SOCS7: variants seen among roughly 807,000 people sequenced by gnomAD.
SOCS7 encodes suppressor of cytokine signaling 7, also known as NAP-4.
In SOCS7, 18 loss-of-function variants were observed where a neutral mutation model predicts 58.9. The observed-to-expected ratio is 0.31, with a 90% CI of 0.21 to 0.45. SOCS7 has a LOEUF of 0.45. Among genes scored for constraint, SOCS7 ranks in the 20% least tolerant of loss-of-function variants. The pLI is 1.00. For missense variants in SOCS7, 667 were observed against 837.3 expected, an observed-to-expected ratio of 0.80 and a Z score of 2.51; for synonymous variants, 388 against 364.3, an observed-to-expected ratio of 1.06 and a Z score of -0.74.
Position 38,352,946 on chromosome 17 carries a change from C to T in SOCS7, c.894C>T (p.Gly298=). The change falls in exon 1 of 10, where the codon GGC becomes GGT. Residue 298 remains glycine (G), a synonymous_variant. Transcript: ENST00000612932. This position sits in a 1 kb window ranked among gnomAD's most constrained non-coding sequence, Gnocchi z 5.5. ...GCTCCGGCGGTGGGGATGGGACCGGCAAGAGGCCTTCTGGAGAGCTGGCTG... is the reference window on the plus strand; with the variant it reads ...GCTCCGGCGGTGGGGATGGGACCGGTAAGAGGCCTTCTGGAGAGCTGGCTG... ...NGGSGGGDGT[G]KRPSGELAAS... The T allele has an allele frequency of 6.2e-7, 1 of 1,608,056 alleles. No homozygotes were observed. The highest frequency in any genetic ancestry group is 2.2e-5 in the East Asian group (1 of 44,748).
At position 38,397,055 on chromosome 17, in the gene SOCS7, C is replaced by A. The variant is rs544126433; in HGVS notation, c.*30+1057C>A. 3.3e-5 allele frequency among the ~76,000 whole-genome samples: 5 copies of A among 152,244 alleles called. No homozygotes were observed. The South Asian group carries it at 1.0e-3, about 32-fold the overall frequency. On this transcript the variant is annotated intron_variant, in intron 9 of 9. Coordinates refer to ENST00000612932, the MANE Select transcript of SOCS7 (RefSeq NM_014598.4). ...AGTTAGAGGACCACGTCTGTGGGTG[C>A]AGTGCTGTAGAAGAACCCATATAAA...
Position 38,393,016 on chromosome 17 carries a change from G to T in SOCS7, c.1682-2293G>T, listed in dbSNP as rs546184296. ...TAAATAAGTTATCATTATTATTTTT[G>T]TTTTTTTTTTAGAGACAGGGTCATA... On this transcript the variant is annotated intron_variant, in intron 7 of 9. Transcript: ENST00000612932. 2.2e-4 allele frequency among the ~76,000 whole-genome samples: 33 copies of T among 147,244 alleles called. No individual in the cohort carries two copies. The South Asian group carries it at 6.7e-3, about 30-fold the overall frequency.
chr17:38,389,110 C>G (rs144437558), intron 7 of SOCS7, among the ~76,000 whole-genome samples: 23 of 152,294 alleles, frequency 1.5e-4, no homozygotes, highest in Non-Finnish European at 2.9e-4. Context: ...ATATAGCCAT[C>G]CTAGTGAGTA....
At chr17:38,368,114 T>C in intron 6 of SOCS7, 64 bp downstream of exon 6, 1 of 1,430,490 alleles carries the variant, frequency 7.0e-7, no homozygotes, top group Non-Finnish European at 9.5e-7. Flanking sequence ...GCTGTCTGAC[T>C]TTTTTGTGGA....
chr17:38,385,989 G>A (rs2038063400), intron 7 of SOCS7, among the ~76,000 whole-genome samples: 1 of 151,894 alleles, frequency 6.6e-6, no homozygotes, highest in African/African-American at 2.4e-5. Context: ...GACCTGCCTG[G>A]GCAGCATGGT....
chr17:38,363,092 C>T (rs1371277167), intron 2 of SOCS7, among the ~76,000 whole-genome samples: 3 of 151,588 alleles, frequency 2.0e-5, no homozygotes, highest in Non-Finnish European at 4.4e-5. Flanking sequence ...CCAGCCTGAG[C>T]GACTGAGCCT....
At chr17:38,377,045 C>T (rs957633759) in intron 6 of SOCS7, among the ~76,000 whole-genome samples, 1 of 152,182 alleles carries the variant, frequency 6.6e-6, no homozygotes, top group Non-Finnish European at 1.5e-5. Flanking sequence ...GTAGGCTACA[C>T]CATCTAGGTT....
In SOCS7 at chr17:38,352,940, G is replaced by A. The variant is rs1238614796; in HGVS notation, c.888G>A (p.Gly296=). 3.7e-6 allele frequency: 6 copies of A among 1,607,938 alleles called. No individual in the cohort carries two copies. The highest frequency in any genetic ancestry group is 5.1e-6 in the Non-Finnish European group (6 of 1,178,492). ...ACGGTGGCTCCGGCGGTGGGGATGG[G>A]ACCGGCAAGAGGCCTTCTGGAGAGC... The part of the protein sequence containing the change: ...SCNGGSGGGD[G]TGKRPSGELA... The change falls in exon 1 of 10, where the codon GGG becomes GGA. Residue 296 remains glycine, a synonymous_variant. Coordinates refer to ENST00000612932, the MANE Select transcript of SOCS7 (RefSeq NM_014598.4). The surrounding 1 kb of genome is among the most constrained non-coding windows in gnomAD (Gnocchi z 5.5).
intron 6 of SOCS7, among the ~76,000 whole-genome samples, chr17:38,373,059 T>G (rs2037887967): frequency 6.6e-6 from 1 of 151,382 alleles, no homozygotes; most frequent in Non-Finnish European, 1.5e-5. Context: ...TGAGCCAAGA[T>G]CGTGCCATTG....
intron 7 of SOCS7, among the ~76,000 whole-genome samples, chr17:38,391,146 C>T (rs1380405445): frequency 6.6e-6 from 1 of 152,044 alleles, no homozygotes; most frequent in Non-Finnish European, 1.5e-5. Flanking sequence ...GCTTTTTGCA[C>T]ATTCATGTTA....
At chr17:38,366,198 A>G in intron 4 of SOCS7, 89 bp from the exon 5 acceptor site, 1 of 1,537,216 alleles carries the variant, frequency 6.5e-7, no homozygotes, top group Non-Finnish European at 8.8e-7. Context: ...TGCCCTCTTC[A>G]GTTAGCATCC....
At position 38,358,586 on chromosome 17, in the gene SOCS7, T is replaced by G. The variant is rs1555567150; in HGVS notation, c.981-3125T>G. ...ATTAGTATCTTGCTTTGTTGTTGTT[T>G]TTTTTTTTTTATTGTCATCTAGATT... On this transcript the variant is annotated intron_variant, in intron 1 of 9. Coordinates refer to ENST00000612932, the MANE Select transcript of SOCS7 (RefSeq NM_014598.4). Among the ~76,000 whole-genome samples, 1,106 of 151,866 alleles carry G rather than the reference T, an allele frequency of 7.3e-3. 8 individuals carry two copies. The highest frequency in any genetic ancestry group is 0.024 in the African/African-American group (991 of 41,472).
intron 7 of SOCS7, among the ~76,000 whole-genome samples, chr17:38,385,586 C>T (rs1473716569): frequency 6.6e-6 from 1 of 152,016 alleles, no homozygotes; most frequent in Non-Finnish European, 1.5e-5. Context: ...ATACTAATCT[C>T]TACACCTGTC....
At chr17:38,387,129 G>GTGTGTGTATATATATATATATATATATA (rs1555570683) in intron 7 of SOCS7, among the ~76,000 whole-genome samples, 3 of 64,802 alleles carry the variant, frequency 4.6e-5, no homozygotes, top group Admixed American at 1.7e-4. Flanking sequence ...ATATATATAT[G>GTGTGTGTATATATATATATATATATATA]TATGTATATA....
chr17:38,367,134 G>A (rs1181117568), intron 5 of SOCS7, among the ~76,000 whole-genome samples: 12 of 151,168 alleles, frequency 7.9e-5, no homozygotes, highest in African/African-American at 2.9e-4. Flanking sequence ...GCGCAATCTC[G>A]GCTTACTGAA....
chr17:38,377,964 C>A, intron 7 of SOCS7, 122 bp downstream of exon 7: 1 of 850,690 alleles, frequency 1.2e-6, no homozygotes, highest in Admixed American at 2.3e-5. Context: ...TTGGAGCCAC[C>A]ACTCCTCTTA....
At chr17:38,368,157 G>A (rs1460710701) in intron 6 of SOCS7, 107 bp downstream of exon 6, 1 of 1,007,544 alleles carries the variant, frequency 9.9e-7, no homozygotes. Context: ...ACAAATAGGG[G>A]AAAAATTATC....
intron 6 of SOCS7, 150 bp from the exon 7 acceptor site, chr17:38,377,564 G>A (rs2037948071): frequency 1.8e-6 from 1 of 571,162 alleles, no homozygotes; most frequent in Non-Finnish European, 3.0e-6. Flanking sequence ...TGTGAGATAA[G>A]CAGGAACAGG....
intron 1 of SOCS7, among the ~76,000 whole-genome samples, chr17:38,359,318 G>A (rs1008329167): frequency 6.6e-6 from 1 of 152,168 alleles, no homozygotes; most frequent in Non-Finnish European, 1.5e-5. Context: ...TCTCCTGTGG[G>A]TGCTGTGGGT....
Sources: gnomAD v4.1 joint callset for allele counts (sites outside exome capture counted in the v4.1 genomes callset) on GRCh38, gnomAD v4.1.1 for gene constraint, Gnocchi (gnomAD v3.1) non-coding constraint, MANE v1.5 for transcripts, NCBI Gene and HGNC (gene_info 2026-07-23, HGNC 2026-07-21) for gene names.